Variants in NAALAD2 observed in about 807,000 individuals in gnomAD.
NAALAD2 encodes the protein N-acetylated-alpha-linked acidic dipeptidase 2.
In NAALAD2, 89 loss-of-function variants were observed where a neutral mutation model predicts 95.6. The ratio of observed to expected loss-of-function variants is 0.93; its 90% confidence interval spans 0.78 to 1.11. The LOEUF (loss-of-function observed/expected upper bound fraction) is 1.11, where lower values mean the gene tolerates loss of function less well. NAALAD2 is among the 50% of genes least tolerant of loss of function. The pLI is 0.00. For missense variants in NAALAD2, 894 were observed against 872.4 expected, an observed-to-expected ratio of 1.02 and a Z score of -0.31; for synonymous variants, 264 against 294.4, an observed-to-expected ratio of 0.90 and a Z score of 1.06.
chr11:90,144,958 A>G (rs1033561894), intron 2 of NAALAD2, among the ~76,000 whole-genome samples: 66 of 152,152 alleles, frequency 4.3e-4, no homozygotes, highest in African/African-American at 1.6e-3. Flanking sequence ...ACAGAGCCTC[A>G]ACTTTGAGTG....
chr11:90,149,066 G>A lies in NAALAD2; in HGVS notation c.442G>A (p.Val148Met). The change falls in exon 4 of 19, where the codon GTG (valine) becomes ATG (methionine). Residue 148 changes from valine (V) to methionine (M), a missense_variant. Transcript: ENST00000534061. ...PDGYENVTNI[V>M]PPYNAFSAQG... ...TGGCTATGAGAATGTTACAAATATT[G>A]TGCCACCATATAATGCTTTCTCAGC... 6.2e-7 allele frequency: 1 copy of A among 1,606,550 alleles called. No homozygotes were observed. The highest frequency in any genetic ancestry group is 1.1e-5 in the South Asian group (1 of 90,352).
At chr11:90,161,812 A>G (rs940937347) in intron 8 of NAALAD2, among the ~76,000 whole-genome samples, 4 of 151,956 alleles carry the variant, frequency 2.6e-5, no homozygotes, top group Non-Finnish European at 4.4e-5. Context: ...TACTAATCAT[A>G]TATCTAAGGC....
Position 90,181,699 on chromosome 11 carries a change from CAAGT to C in NAALAD2, c.1940+3_1940+6del, listed in dbSNP as rs1952975837. On this transcript the variant is annotated splice_donor_variant and coding_sequence_variant, in exon 17 of 19. Coordinates refer to ENST00000534061, the MANE Select transcript of NAALAD2 (RefSeq NM_005467.4). LOFTEE classifies it high-confidence loss of function. ...AACGACTTATACAAGTTGATCTTAA[CAAGT>C]AAGTTTCAAATCCCTTTTTTTTTAA... is the stretch of plus-strand genomic sequence containing the variant. 1.3e-6 allele frequency: 2 copies of C among 1,521,906 alleles called. No homozygotes were observed. The highest frequency in any genetic ancestry group is 1.8e-6 in the Non-Finnish European group (2 of 1,125,514). 94.3% of individuals were successfully genotyped at this position (1,521,906 alleles called of 1,614,324 possible).
At chr11:90,139,783 AAG>A (rs1951558038) in intron 2 of NAALAD2, among the ~76,000 whole-genome samples, 1 of 152,266 alleles carries the variant, frequency 6.6e-6, no homozygotes, top group African/African-American at 2.4e-5. Context: ...ACAAGAAAAA[AAG>A]GTAATTTGCA....
intron 2 of NAALAD2, among the ~76,000 whole-genome samples, chr11:90,144,533 G>A (rs1297088537): frequency 6.6e-6 from 1 of 151,890 alleles, no homozygotes; most frequent in Non-Finnish European, 1.5e-5. Flanking sequence ...CTGAGGTCAG[G>A]AATTCAAAAC....
At chr11:90,181,582 G>A (rs1952969184) in intron 16 of NAALAD2, 38 bp from the exon 17 acceptor site, 2 of 1,397,788 alleles carry the variant, frequency 1.4e-6, no homozygotes, top group East Asian at 4.6e-5. Context: ...TCTGAAATAT[G>A]AGCTAATTTC....
chr11:90,169,984 A>ATTCT, intron 12 of NAALAD2, 85 bp from the exon 13 acceptor site: 1 of 873,328 alleles, frequency 1.1e-6, no homozygotes, highest in South Asian at 1.4e-5. Context: ...ATCTTGTTTA[A>ATTCT]AATTAGAAAA....
chr11:90,183,333 GATAA>G, intron 18 of NAALAD2, among the ~76,000 whole-genome samples: 1 of 152,192 alleles, frequency 6.6e-6, no homozygotes, highest in South Asian at 2.1e-4. Context: ...TAGAATCTCA[GATAA>G]ATAGTTATCC....
chr11:90,155,572 ATAATATATATG>A (rs1353425216), intron 6 of NAALAD2, among the ~76,000 whole-genome samples: 18 of 80,636 alleles, frequency 2.2e-4, no homozygotes, highest in Non-Finnish European at 3.4e-4. Context: ...TATATAATAT[ATAATATATATG>A]TAATATATAT....
At chr11:90,176,634 G>A (rs1952800699) in intron 15 of NAALAD2, among the ~76,000 whole-genome samples, 1 of 151,988 alleles carries the variant, frequency 6.6e-6, no homozygotes, top group African/African-American at 2.4e-5. Context: ...GCAGGTACTT[G>A]GATATAACCA....
chr11:90,189,083 G>A (rs973775161), intron 18 of NAALAD2, among the ~76,000 whole-genome samples: 13 of 152,206 alleles, frequency 8.5e-5, no homozygotes, highest in Non-Finnish European at 1.8e-4. Flanking sequence ...AAGTCTTCCT[G>A]TAAGAGGCAG....
At chr11:90,133,764 T>C (rs879714806), upstream of NAALAD2, among the ~76,000 whole-genome samples, 6 of 152,222 alleles carry the variant, frequency 3.9e-5, no homozygotes, top group Non-Finnish European at 8.8e-5. Flanking sequence ...GCCAGTTGTA[T>C]TGACAGACTG....
intron 9 of NAALAD2, 61 bp from the exon 10 acceptor site, chr11:90,163,249 A>G (rs2156434): frequency 0.14 from 216,089 of 1,517,506 alleles, 19,540 homozygotes; most frequent in Admixed American, 0.41. Context: ...TTAAAAACAT[A>G]AATTACAAAT....
At chr11:90,176,140 C>T (rs1952783760) in intron 15 of NAALAD2, 78 bp downstream of exon 15, 7 of 1,062,688 alleles carry the variant, frequency 6.6e-6, no homozygotes, top group Non-Finnish European at 8.5e-6. Context: ...AGTTGTTTGG[C>T]ACCAGACACC....
intron 15 of NAALAD2, 101 bp downstream of exon 15, chr11:90,176,163 C>T (rs75033678): frequency 3.6e-6 from 3 of 824,998 alleles, no homozygotes; most frequent in Non-Finnish European, 5.9e-6. Flanking sequence ...GTGGATGTGG[C>T]CTGGGAAGAG....
intron 18 of NAALAD2, among the ~76,000 whole-genome samples, chr11:90,185,858 C>CT (rs375865674): frequency 0.15 from 19,391 of 133,006 alleles, 3,705 homozygotes; most frequent in African/African-American, 0.45. Context: ...AGGGTAAACA[C>CT]TTTTTTTTTT....
At chr11:90,135,436 C>G in intron 1 of NAALAD2, 123 bp from the exon 2 acceptor site, 1 of 504,070 alleles carries the variant, frequency 2.0e-6, no homozygotes, top group Non-Finnish European at 3.5e-6. Context: ...TTAAAGCTCA[C>G]CATGATCTAC....
At chr11:90,143,110 A>G (rs1274171944) in intron 2 of NAALAD2, among the ~76,000 whole-genome samples, 1 of 152,136 alleles carries the variant, frequency 6.6e-6, no homozygotes, top group African/African-American at 2.4e-5. Context: ...TTGAACATGT[A>G]TATGTATTGT....
rs1190746021 is a variant in NAALAD2, at chr11:90,177,876, C to T, written c.1617C>T (p.Tyr539=). Residue 539 remains tyrosine, a synonymous_variant, in exon 16 of 19, where the codon TAC becomes TAT. Transcript: ENST00000534061. ...KNKKTDKYSS[Y]PVYHTIYETF... Reference sequence around the variant, plus strand: ...AGAAAACAGATAAGTACAGCAGCTACCCAGTGTACCACACAATTTATGAGA... The same window carrying T: ...AGAAAACAGATAAGTACAGCAGCTATCCAGTGTACCACACAATTTATGAGA... 1.9e-6 allele frequency: 3 copies of T among 1,613,166 alleles called. 1 individual carries two copies. Among genetic ancestry groups the T allele is most frequent in the South Asian group, 1.1e-5 (1 of 91,026 alleles).
Sources: allele counts gnomAD v4.1 joint callset (sites outside exome capture counted in the v4.1 genomes callset), GRCh38; gene constraint gnomAD v4.1.1; transcripts MANE v1.5; gene names NCBI Gene and HGNC (gene_info 2026-07-23, HGNC 2026-07-21).